NLGN1: variants seen among roughly 807,000 people sequenced by gnomAD.
The protein encoded by NLGN1 is neuroligin-1.
Under a neutral mutation model 65.5 loss-of-function variants are expected in NLGN1, and 12 were observed. The ratio of observed to expected loss-of-function variants is 0.18; its 90% CI spans 0.12 to 0.30. The LOEUF is 0.30. Ranked by LOEUF, NLGN1 falls within the 10% of genes least tolerant of loss-of-function variation. The pLI is 1.00. For synonymous variants in NLGN1, 350 were observed against 359.5 expected (o/e 0.97, Z 0.30); for missense variants, 750 against 1,007.1 (o/e 0.74, Z 3.46).
chr3:173,506,053 A>G (rs921063541), intron 2 of NLGN1, among the ~76,000 whole-genome samples: 2 of 152,126 alleles, frequency 1.3e-5, no homozygotes, highest in African/African-American at 2.4e-5. Flanking sequence ...ATCAACAAAT[A>G]TAATGAAAAT....
chr3:173,571,935 A>T (rs1205642898), intron 2 of NLGN1, among the ~76,000 whole-genome samples: 2 of 152,124 alleles, frequency 1.3e-5, no homozygotes, highest in African/African-American at 4.8e-5. Context: ...GAAATAGATA[A>T]CTCTGTCTTT....
At chr3:173,879,452 A>G (rs1443825666) in intron 4 of NLGN1, among the ~76,000 whole-genome samples, 1 of 152,130 alleles carries the variant, frequency 6.6e-6, no homozygotes, top group East Asian at 1.9e-4. Context: ...CATTTTTAAA[A>G]TAGTTTCTAT....
At chr3:173,832,483 G>T (rs926760776) in intron 4 of NLGN1, among the ~76,000 whole-genome samples, 2 of 152,182 alleles carry the variant, frequency 1.3e-5, no homozygotes, top group African/African-American at 2.4e-5. Context: ...CTTGCAAAGA[G>T]AAATCTCTTT....
chr3:173,631,985 G>T (rs1273800679), intron 3 of NLGN1, among the ~76,000 whole-genome samples: 1 of 151,976 alleles, frequency 6.6e-6, no homozygotes, highest in African/African-American at 2.4e-5. Flanking sequence ...TTACAGCTGG[G>T]TTATAAACCC....
intron 3 of NLGN1, among the ~76,000 whole-genome samples, chr3:173,647,961 G>T (rs756469546): frequency 6.6e-6 from 1 of 152,056 alleles, no homozygotes; most frequent in Admixed American, 6.6e-5. Context: ...TAAGATATCA[G>T]TTCTCTCCCA....
At chr3:173,621,439 G>A (rs528762236) in intron 3 of NLGN1, among the ~76,000 whole-genome samples, 1 of 152,182 alleles carries the variant, frequency 6.6e-6, no homozygotes, top group African/African-American at 2.4e-5. Flanking sequence ...ATAAAATATT[G>A]ATTGTGGTAA....
intron 3 of NLGN1, among the ~76,000 whole-genome samples, chr3:173,613,438 C>A (rs951523187): frequency 1.3e-5 from 2 of 152,022 alleles, no homozygotes; most frequent in Admixed American, 6.6e-5. Context: ...ATTTTTCTAT[C>A]AAGATAGGAT....
At chr3:173,989,250 G>T (rs187686621) in intron 4 of NLGN1, among the ~76,000 whole-genome samples, 1 of 152,086 alleles carries the variant, frequency 6.6e-6, no homozygotes, top group African/African-American at 2.4e-5. Context: ...ATGGGAAATC[G>T]CATGCTTGTA....
chr3:173,484,577 A>C (rs1196150958), intron 2 of NLGN1, among the ~76,000 whole-genome samples: 1 of 152,194 alleles, frequency 6.6e-6, no homozygotes, highest in Non-Finnish European at 1.5e-5. Context: ...ATTCATATTA[A>C]AAGTCTCCTT....
At chr3:173,954,936 G>A (rs530109707) in intron 4 of NLGN1, among the ~76,000 whole-genome samples, 39 of 152,168 alleles carry the variant, frequency 2.6e-4, no homozygotes, top group African/African-American at 7.7e-4. Context: ...TCAACAGGTC[G>A]TAGAGAGGGA....
At chr3:173,492,851 A>C (rs556377121) in intron 2 of NLGN1, among the ~76,000 whole-genome samples, 1 of 151,832 alleles carries the variant, frequency 6.6e-6, no homozygotes, top group South Asian at 2.1e-4. Context: ...TGCTAGAGAA[A>C]CCCTATGCTT....
At chr3:173,923,666 A>G (rs1426587195) in intron 4 of NLGN1, among the ~76,000 whole-genome samples, 2 of 152,182 alleles carry the variant, frequency 1.3e-5, no homozygotes, top group Non-Finnish European at 2.9e-5. Context: ...TAAATCTGAT[A>G]AATAAATTGA....
chr3:173,936,113 T>A (rs1745029678), intron 4 of NLGN1, among the ~76,000 whole-genome samples: 1 of 152,022 alleles, frequency 6.6e-6, no homozygotes, highest in Non-Finnish European at 1.5e-5. Context: ...TAAGTCTTTT[T>A]TTTTTTCATA....
chr3:174,168,504 C>T (rs1189536426), intron 4 of NLGN1, among the ~76,000 whole-genome samples: 1 of 151,988 alleles, frequency 6.6e-6, no homozygotes, highest in Non-Finnish European at 1.5e-5. Context: ...GTTTTTATAG[C>T]TCTATGCACA....
chr3:174,226,452 CATT>C (rs1182570811), intron 4 of NLGN1, among the ~76,000 whole-genome samples: 2 of 152,036 alleles, frequency 1.3e-5, no homozygotes, highest in Non-Finnish European at 2.9e-5. Flanking sequence ...TGCTTGGTGG[CATT>C]ATTGCATTTT....
chr3:174,166,350 A>T (rs1282242809), intron 4 of NLGN1, among the ~76,000 whole-genome samples: 10 of 152,072 alleles, frequency 6.6e-5, no homozygotes, highest in Non-Finnish European at 1.5e-4. Context: ...CCTTCCTCTT[A>T]ACACTGCTTT....
rs140019729 is a variant in NLGN1 at position 173,959,180 on chromosome 3, G to A, written c.646+151348G>A. 3.7e-3 allele frequency among the ~76,000 whole-genome samples: 565 copies of A among 152,334 alleles called. 1 individual carries two copies. The highest frequency in any genetic ancestry group is 0.013 in the African/African-American group (531 of 41,582). ...AGCCTCCAAGAGCACAGGGATGCCC[G>A]GGTCCACAGTCACAGCTTCAGTGGT... On this transcript the variant is annotated intron_variant, in intron 4 of 6. Coordinates refer to ENST00000457714, the Ensembl canonical transcript of NLGN1.
intron 4 of NLGN1, among the ~76,000 whole-genome samples, chr3:173,977,186 T>G (rs1717689107): frequency 6.6e-6 from 1 of 151,894 alleles, no homozygotes. Context: ...TCATCCTATG[T>G]GAACCTATGA....
intron 1 of NLGN1, among the ~76,000 whole-genome samples, chr3:173,403,892 C>T (rs1010869664): frequency 1.3e-5 from 2 of 151,718 alleles, no homozygotes; most frequent in African/African-American, 4.8e-5. Flanking sequence ...TCTTTTTTTT[C>T]CCTGAATGAA....
Sources: allele counts gnomAD v4.1 joint callset (sites outside exome capture counted in the v4.1 genomes callset), GRCh38; gene constraint gnomAD v4.1.1; transcripts MANE v1.5; gene names NCBI Gene and HGNC (gene_info 2026-07-23, HGNC 2026-07-21).